The following SMAD2 variants were observed in gnomAD, a reference collection of about 807,000 sequenced individuals.
SMAD2 encodes the protein SMAD family member 2.
A neutral mutation model predicts 64.4 loss-of-function variants in SMAD2; 8 were observed. The ratio of observed to expected loss-of-function variants is 0.12; its 90% CI spans 0.07 to 0.22. SMAD2 has a LOEUF of 0.22. SMAD2 is among the 10% of genes least tolerant of loss of function. The pLI is 1.00. For missense variants in SMAD2, 289 were observed against 561.2 expected (o/e 0.51, Z 4.90); for synonymous variants, 203 against 195.8 (o/e 1.04, Z -0.31).
chr18:47,846,080 G>T (rs1914462657), intron 8 of SMAD2, among the ~76,000 whole-genome samples: 1 of 152,012 alleles, frequency 6.6e-6, no homozygotes, highest in South Asian at 2.1e-4. Context: ...TCATACAAAT[G>T]ATATATATTA....
At chr18:47,855,543 T>G (rs1179279912) in intron 6 of SMAD2, among the ~76,000 whole-genome samples, 1 of 152,164 alleles carries the variant, frequency 6.6e-6, no homozygotes, top group African/African-American at 2.4e-5. Context: ...CTCCCTCAGC[T>G]TTTGTCTGAA....
At position 47,873,003 on chromosome 18, in the gene SMAD2, A is replaced by T. The variant is rs192470845; in HGVS notation, c.237-2439T>A. Among the ~76,000 whole-genome samples the T allele has an allele frequency of 2.0e-5, 3 of 151,074 alleles. 1 individual carries two copies. Among genetic ancestry groups the T allele is most frequent in the African/African-American group, 7.2e-5 (3 of 41,544 alleles). On this transcript the variant is annotated intron_variant, in intron 2 of 10. Transcript: ENST00000262160. ...CAGCCTCCTGAGTAGCTGGGACTAT[A>T]GGCGTGTGTCACCACGATTGGCTAA...
At position 47,821,171 on chromosome 18, in the gene SMAD2, T is replaced by C. The variant is rs1229478380; in HGVS notation, c.*20656A>G. On this transcript the variant is annotated 3_prime_UTR_variant, in exon 11 of 11. Transcript: ENST00000262160. Reference sequence around the variant, plus strand: ...CATTTCTTGAGGTAGAGTTTTCTTCTTGAAGATCCTGATTTATATCTCACA... The same window carrying C: ...CATTTCTTGAGGTAGAGTTTTCTTCCTGAAGATCCTGATTTATATCTCACA... 3 of 152,206 alleles carry C rather than the reference T, an allele frequency of 2.0e-5. No individual in the cohort carries two copies. The highest frequency in any genetic ancestry group is 2.0e-4 in the Admixed American group (3 of 15,284). 9.4% of individuals were successfully genotyped at this position (152,206 alleles called of 1,614,324 possible). A position where few individuals can be genotyped will look rare whatever the true frequency, so the allele number is the denominator to read the frequency against.
intron 2 of SMAD2, among the ~76,000 whole-genome samples, chr18:47,872,384 A>T (rs919602484): frequency 6.6e-6 from 1 of 152,222 alleles, no homozygotes; most frequent in Non-Finnish European, 1.5e-5. Context: ...GTGGATCAAA[A>T]AGTAGAAAAA....
At chr18:47,879,432 T>C (rs1406890331) in intron 2 of SMAD2, among the ~76,000 whole-genome samples, 1 of 152,052 alleles carries the variant, frequency 6.6e-6, no homozygotes, top group African/African-American at 2.4e-5. Context: ...ATATGGTACA[T>C]ATTCTTTTGG....
intron 8 of SMAD2, among the ~76,000 whole-genome samples, chr18:47,847,682 A>G (rs1423750778): frequency 6.6e-6 from 1 of 150,938 alleles, no homozygotes; most frequent in Non-Finnish European, 1.5e-5. Flanking sequence ...TCTATGAAAA[A>G]CAACTATATT....
At chr18:47,870,329 C>A in intron 3 of SMAD2, 146 bp downstream of exon 3, 1 of 642,688 alleles carries the variant, frequency 1.6e-6, no homozygotes, top group East Asian at 2.7e-5. Flanking sequence ...TTTATACTGG[C>A]AAGCAGATAT....
chr18:47,886,982 C>G (rs936015110), intron 2 of SMAD2: 1 of 151,602 alleles, frequency 6.6e-6, no homozygotes, highest in South Asian at 2.1e-4. Context: ...CGTAGACACA[C>G]GTAACATCCC....
intron 1 of SMAD2, among the ~76,000 whole-genome samples, chr18:47,907,169 C>G (rs747950054): frequency 2.6e-5 from 4 of 152,256 alleles, no homozygotes; most frequent in Non-Finnish European, 4.4e-5. Flanking sequence ...TAGATCTACC[C>G]TGTATCACAC....
At chr18:47,879,116 C>G (rs1457243200) in intron 2 of SMAD2, among the ~76,000 whole-genome samples, 1 of 152,168 alleles carries the variant, frequency 6.6e-6, no homozygotes, top group Non-Finnish European at 1.5e-5. Context: ...GAGCTAGACC[C>G]TGTCTCAGAG....
intron 3 of SMAD2, among the ~76,000 whole-genome samples, chr18:47,870,234 A>C (rs1242424912): frequency 2.0e-5 from 3 of 152,196 alleles, no homozygotes; most frequent in Non-Finnish European, 2.9e-5. Context: ...CAAAATTATT[A>C]TTCTTTAGGG....
At position 47,820,318 on chromosome 18, in the gene SMAD2, TTAA is replaced by T. The variant is rs1481400560; in HGVS notation, c.*21506_*21508del. The T allele has an allele frequency of 6.6e-6, 1 of 152,124 alleles. No individual in the cohort carries two copies. Among genetic ancestry groups the T allele is most frequent in the Non-Finnish European group, 1.5e-5 (1 of 68,016 alleles). The allele number at this position is 152,124 out of a possible 1,614,324, so 9.4% of individuals were successfully genotyped here. Reference sequence around the variant, plus strand: ...CCTAGGTTTTCACTAAAAATTAAGGTTAATAAGTTAAAATTTGAAAATACACAA... The same window carrying T: ...CCTAGGTTTTCACTAAAAATTAAGGTTAAGTTAAAATTTGAAAATACACAA... On this transcript the variant is annotated 3_prime_UTR_variant, in exon 11 of 11. Transcript: ENST00000262160.
Position 47,837,516 on chromosome 18 carries a change from C to T in SMAD2, c.*4311G>A, listed in dbSNP as rs1275088311. The T allele has an allele frequency of 1.4e-5, 3 of 216,990 alleles. No individual in the cohort carries two copies. Among genetic ancestry groups the T allele is most frequent in the South Asian group, 1.9e-4 (1 of 5,192 alleles). The allele number at this position is 216,990 out of a possible 1,614,324, so 13.4% of individuals were successfully genotyped here. On this transcript the variant is annotated 3_prime_UTR_variant, in exon 11 of 11. Transcript: ENST00000262160. ...GGCGGAGCTTGCAGTGAACCAAGATCGCACCACTGCACTCCAGGTTGGGCA... is the reference window on the plus strand; with the variant it reads ...GGCGGAGCTTGCAGTGAACCAAGATTGCACCACTGCACTCCAGGTTGGGCA...
intron 1 of SMAD2, chr18:47,930,102 G>A (rs1404794618): frequency 6.6e-6 from 1 of 152,324 alleles, no homozygotes; most frequent in Non-Finnish European, 1.5e-5. Flanking sequence ...AAACTATGGA[G>A]TGTGAGAGCA....
At chr18:47,919,790 A>G (rs1241951223) in intron 1 of SMAD2, among the ~76,000 whole-genome samples, 3 of 151,950 alleles carry the variant, frequency 2.0e-5, no homozygotes, top group Non-Finnish European at 4.4e-5. Context: ...GCTTTGTACC[A>G]CTCTTTACCA....
chr18:47,911,512 T>C (rs2034135178), intron 1 of SMAD2, among the ~76,000 whole-genome samples: 1 of 152,164 alleles, frequency 6.6e-6, no homozygotes, highest in Non-Finnish European at 1.5e-5. Context: ...ATTTCATAAA[T>C]TTCATAAATT....
Position 47,818,269 on chromosome 18 carries a change from G to A in SMAD2, c.*23558C>T, listed in dbSNP as rs1450547809. ...AGGTCTTAAAGGGCCTTAAATTAAT[G>A]GCTTTATAAATTATAATAGTTCCCT... is the stretch of plus-strand genomic sequence containing the variant. On this transcript the variant is annotated 3_prime_UTR_variant, in exon 11 of 11. Transcript: ENST00000262160. 1 of 152,070 alleles carries A rather than the reference G, an allele frequency of 6.6e-6. No homozygotes were observed. Among genetic ancestry groups the A allele is most frequent in the African/African-American group, 2.4e-5 (1 of 41,402 alleles). 9.4% of individuals were successfully genotyped at this position (152,070 alleles called of 1,614,324 possible).
intron 1 of SMAD2, among the ~76,000 whole-genome samples, chr18:47,910,862 A>C (rs1342580960): frequency 6.6e-6 from 1 of 152,212 alleles, no homozygotes; most frequent in South Asian, 2.1e-4. Flanking sequence ...TAGGAGAGTC[A>C]AAAGTTATAC....
chr18:47,900,847 T>A (rs1012658199), intron 1 of SMAD2, among the ~76,000 whole-genome samples: 1 of 152,192 alleles, frequency 6.6e-6, no homozygotes, highest in East Asian at 1.9e-4. Context: ...TTAAGTCATA[T>A]GTTATTCAAA....
Sources: allele counts gnomAD v4.1 joint callset (sites outside exome capture counted in the v4.1 genomes callset), GRCh38; gene constraint gnomAD v4.1.1; transcripts MANE v1.5; gene names NCBI Gene and HGNC (gene_info 2026-07-23, HGNC 2026-07-21).